The following RABGAP1L variants were observed in gnomAD, a reference collection of about 807,000 sequenced individuals.
The protein encoded by RABGAP1L is rab GTPase-activating protein 1-like.
In RABGAP1L, 63 loss-of-function variants were observed where a neutral mutation model predicts 137.7. That is an observed-to-expected ratio of 0.46 (90% CI 0.37 to 0.56). RABGAP1L has a LOEUF of 0.56. Among genes scored for constraint, RABGAP1L ranks in the 20% least tolerant of loss-of-function variants. The pLI is 0.00. For synonymous variants in RABGAP1L, 431 were observed against 433.7 expected (o/e 0.99, Z 0.08); for missense variants, 1,095 against 1,244.0 (o/e 0.88, Z 1.80).
intron 17 of RABGAP1L, among the ~76,000 whole-genome samples, chr1:174,739,174 A>G (rs989853412): frequency 2.0e-5 from 3 of 152,176 alleles, no homozygotes; most frequent in African/African-American, 7.2e-5. Flanking sequence ...CTCCTAATAA[A>G]GGAACAAGCA....
intron 11 of RABGAP1L, among the ~76,000 whole-genome samples, chr1:174,350,874 C>T (rs1430985858): frequency 1.6e-4 from 16 of 98,062 alleles, no homozygotes; most frequent in Admixed American, 5.1e-4. Context: ...GGATCACTCG[C>T]GGTTAGGGGC....
intron 22 of RABGAP1L, among the ~76,000 whole-genome samples, chr1:174,978,532 T>C (rs932444337): frequency 5.3e-5 from 8 of 152,224 alleles, no homozygotes; most frequent in African/African-American, 1.7e-4. Context: ...TGGATACTTA[T>C]TTAGCAATAT....
At chr1:174,710,950 G>A (rs536877702) in intron 17 of RABGAP1L, among the ~76,000 whole-genome samples, 13 of 152,318 alleles carry the variant, frequency 8.5e-5, no homozygotes, top group Non-Finnish European at 1.6e-4. Flanking sequence ...CTCAGGCTGC[G>A]CAGGAGCCCA....
At chr1:174,833,819 G>A (rs1431833508) in intron 19 of RABGAP1L, among the ~76,000 whole-genome samples, 1 of 151,892 alleles carries the variant, frequency 6.6e-6, no homozygotes, top group Non-Finnish European at 1.5e-5. Context: ...TGTTACAAAA[G>A]GAAACAGAAA....
At position 174,640,062 on chromosome 1, in the gene RABGAP1L, A is replaced by G. The variant is rs140249914; in HGVS notation, c.1824+2574A>G. On this transcript the variant is annotated intron_variant, in intron 14 of 25. Coordinates refer to ENST00000681986, the MANE Select transcript of RABGAP1L (RefSeq NM_001366446.1). ...AAAACAAAATTACATTAGACATAGT[A>G]TTAAATAAAAGCAATAAAAGTTTTT... Among the ~76,000 whole-genome samples the G allele has an allele frequency of 7.2e-4, 109 of 152,306 alleles. 1 individual carries two copies. Among genetic ancestry groups the G allele is most frequent in the African/African-American group, 2.4e-3 (101 of 41,580 alleles).
At chr1:174,982,748 A>G (rs969844945) in intron 23 of RABGAP1L, 86 bp from the exon 24 acceptor site, 17 of 1,292,074 alleles carry the variant, frequency 1.3e-5, no homozygotes, top group Non-Finnish European at 1.7e-5. Flanking sequence ...ATGTGCTAGC[A>G]TAACACATGA....
intron 8 of RABGAP1L, among the ~76,000 whole-genome samples, chr1:174,273,706 T>C (rs1382625633): frequency 6.6e-6 from 1 of 152,118 alleles, no homozygotes; most frequent in Non-Finnish European, 1.5e-5. Flanking sequence ...AATCATGGTC[T>C]TTCAGAGTTT....
Position 174,677,151 on chromosome 1 carries a change from A to G in RABGAP1L, c.1825-6371A>G, listed in dbSNP as rs111967221. ...AGTCTAGGCAACATAGTGAGACCCC[A>G]TCTCTACCAAAAAAAAAAAAATTAT... On this transcript the variant is annotated intron_variant, in intron 14 of 25. Transcript: ENST00000681986. 1.1e-3 allele frequency among the ~76,000 whole-genome samples: 160 copies of G among 145,372 alleles called. 1 individual carries two copies. The highest frequency in any genetic ancestry group is 4.1e-3 in the African/African-American group (156 of 37,946).
At chr1:174,808,124 C>G (rs1032231093) in intron 18 of RABGAP1L, among the ~76,000 whole-genome samples, 1 of 151,878 alleles carries the variant, frequency 6.6e-6, no homozygotes, top group Admixed American at 6.6e-5. Flanking sequence ...GCTGGGACTA[C>G]AGGCACCCAT....
intron 14 of RABGAP1L, among the ~76,000 whole-genome samples, chr1:174,669,345 T>C (rs1376284638): frequency 6.6e-6 from 1 of 152,174 alleles, no homozygotes; most frequent in Non-Finnish European, 1.5e-5. Context: ...ATTTTGGGGA[T>C]TGCAATTCAA....
chr1:174,617,268 T>C (rs998926698), intron 13 of RABGAP1L, among the ~76,000 whole-genome samples: 1 of 152,226 alleles, frequency 6.6e-6, no homozygotes, highest in Non-Finnish European at 1.5e-5. Context: ...TTATGCCTAC[T>C]TCTGGAGGAA....
At chr1:174,522,572 G>A (rs961407177) in intron 13 of RABGAP1L, among the ~76,000 whole-genome samples, 4 of 151,638 alleles carry the variant, frequency 2.6e-5, no homozygotes, top group Admixed American at 1.3e-4. Flanking sequence ...GACGAGGGAA[G>A]GGAAAAAAAA....
chr1:174,697,789 GT>G (rs1426998827), intron 15 of RABGAP1L, among the ~76,000 whole-genome samples: 1 of 152,178 alleles, frequency 6.6e-6, no homozygotes, highest in Non-Finnish European at 1.5e-5. Context: ...CAGTGTAATT[GT>G]ATCCTAAATA....
At chr1:174,700,146 T>A (rs1464460140) in intron 16 of RABGAP1L, among the ~76,000 whole-genome samples, 2 of 152,228 alleles carry the variant, frequency 1.3e-5, no homozygotes, top group African/African-American at 4.8e-5. Context: ...TTGTTGTGCT[T>A]TACAATGCGT....
intron 19 of RABGAP1L, among the ~76,000 whole-genome samples, chr1:174,956,940 G>A (rs12067719): frequency 0.044 from 6,678 of 152,012 alleles, 490 homozygotes; most frequent in African/African-American, 0.15. Context: ...GAGCCACCAC[G>A]CCCAGGCCAT....
At chr1:174,606,185 A>G (rs923997115) in intron 13 of RABGAP1L, among the ~76,000 whole-genome samples, 13 of 152,222 alleles carry the variant, frequency 8.5e-5, no homozygotes, top group Admixed American at 3.3e-4. Context: ...TATAGTATCT[A>G]CTAGTTTATG....
intron 3 of RABGAP1L, among the ~76,000 whole-genome samples, chr1:174,224,023 G>A (rs1669976447): frequency 6.6e-6 from 1 of 152,072 alleles, no homozygotes; most frequent in Non-Finnish European, 1.5e-5. Context: ...AATAAAATTA[G>A]GTTCCTTAGT....
chr1:174,202,586 T>C (rs1049710290), intron 1 of RABGAP1L, among the ~76,000 whole-genome samples: 2 of 152,168 alleles, frequency 1.3e-5, no homozygotes, highest in Non-Finnish European at 2.9e-5. Flanking sequence ...AAAAATTTTC[T>C]CCCATTTTGT....
In RABGAP1L at chr1:174,946,900, C is replaced by CAA. The variant is rs1177949233; in HGVS notation, c.2341-10540_2341-10539dup. ...TGGGCAAAAGAGCGAGACTCCATCT[C>CAA]AAAAAAAAAAAAAAAAAATATATAT... On this transcript the variant is annotated intron_variant, in intron 19 of 25. Coordinates refer to ENST00000681986, the MANE Select transcript of RABGAP1L (RefSeq NM_001366446.1). Among the ~76,000 whole-genome samples, 85 of 21,364 alleles carry CAA rather than the reference C, an allele frequency of 4.0e-3. 1 individual carries two copies. Among genetic ancestry groups the CAA allele is most frequent in the African/African-American group, 7.6e-3 (25 of 3,300 alleles). The allele number at this position is 21,364 out of a possible 152,430, so 14.0% of individuals were successfully genotyped here.
Sources: gnomAD v4.1 joint callset for allele counts (sites outside exome capture counted in the v4.1 genomes callset) on GRCh38, gnomAD v4.1.1 for gene constraint, MANE v1.5 for transcripts, NCBI Gene and HGNC (gene_info 2026-07-23, HGNC 2026-07-21) for gene names.